The following ACP7 variants were observed in gnomAD, a reference collection of about 807,000 sequenced individuals.
ACP7 encodes acid phosphatase 7, tartrate resistant (putative).
Under a neutral mutation model 60.6 loss-of-function variants are expected in ACP7, and 58 were observed. The ratio of observed to expected loss-of-function variants is 0.96; its 90% confidence interval spans 0.77 to 1.19. The LOEUF (loss-of-function observed/expected upper bound fraction) is 1.19. Among genes scored for constraint, ACP7 ranks in the 50% most tolerant of loss-of-function variants. ACP7 has a pLI of 0.00. For missense variants in ACP7, 574 were observed against 596.2 expected (o/e 0.96, Z 0.39); for synonymous variants, 237 against 232.6 (o/e 1.02, Z -0.17).
chr19:39,088,625 T>C lies in ACP7; in HGVS notation c.121+3235T>C, dbSNP rs73930278. ...TGTAGGTACCATTGCTACTCCCATTTGACAAGAGAGACTCACAGCAGGGGA... is the reference window on the plus strand; with the variant it reads ...TGTAGGTACCATTGCTACTCCCATTCGACAAGAGAGACTCACAGCAGGGGA... On this transcript the variant is annotated intron_variant, in intron 2 of 12. Coordinates refer to ENST00000331256, the MANE Select transcript of ACP7 (RefSeq NM_001004318.3). 4.1e-3 allele frequency among the ~76,000 whole-genome samples: 622 copies of C among 152,338 alleles called. 2 individuals are homozygous for C. The highest frequency in any genetic ancestry group is 0.014 in the African/African-American group (587 of 41,574).
chr19:39,109,709 A>G (rs1437685251), intron 12 of ACP7, among the ~76,000 whole-genome samples: 1 of 142,950 alleles, frequency 7.0e-6, no homozygotes, highest in East Asian at 2.2e-4. Context: ...AAAAAAAAAA[A>G]GGAGAGAGAG....
intron 2 of ACP7, among the ~76,000 whole-genome samples, chr19:39,091,383 G>A (rs1236041185): frequency 6.6e-6 from 1 of 151,546 alleles, no homozygotes; most frequent in African/African-American, 2.4e-5. Flanking sequence ...GGCTGGTCTC[G>A]AACTCCTGAC....
intron 4 of ACP7, among the ~76,000 whole-genome samples, 188 bp from the exon 5 acceptor site, chr19:39,100,039 T>G (rs1008749545): frequency 1.4e-5 from 2 of 147,734 alleles, no homozygotes; most frequent in Admixed American, 6.8e-5. Flanking sequence ...CCCGGCACAG[T>G]GGCTCACACC....
In ACP7 at chr19:39,100,252, G is replaced by A. The variant is rs1451906503; in HGVS notation, c.531G>A (p.Gln177=). ...HVGDFAYNLD[Q]DNARVGDRFM... is the part of the protein sequence containing the mutation. ...GAGACTTTGCCTACAACCTGGATCA[G>A]GACAACGCCCGTGTTGGGGATAGGT... The change falls in exon 5 of 13, where the codon CAG becomes CAA. Residue 177 remains glutamine (Q), a synonymous_variant. Coordinates refer to ENST00000331256, the MANE Select transcript of ACP7 (RefSeq NM_001004318.3). The A allele has an allele frequency of 3.1e-6, 5 of 1,613,960 alleles. No individual in the cohort carries two copies. The highest frequency in any genetic ancestry group is 4.2e-6 in the Non-Finnish European group (5 of 1,180,020).
At chr19:39,100,512 C>T (rs369135172) in intron 5 of ACP7, 68 bp from the exon 6 acceptor site, 20 of 1,600,440 alleles carry the variant, frequency 1.2e-5, no homozygotes, top group African/African-American at 6.7e-5. Context: ...CTGACAGTGG[C>T]GGGGTATAGG....
In ACP7 at chr19:39,098,643, C is replaced by T. The variant is rs1329833442; in HGVS notation, c.307C>T (p.Pro103Ser). ...IHRVTLRKLL[P>S]GVQYVYRCGS... ...CCGAGTCACGCTTCGCAAGCTGCTG[C>T]CAGGGGTTCAGTATGGTGAGAGGGG... is the stretch of plus-strand genomic sequence containing the variant. Residue 103 changes from proline to serine, a missense_variant, in exon 3 of 13, where the codon CCA becomes TCA. Pro to Ser is a moderately conservative substitution (Grantham distance 74). Coordinates refer to ENST00000331256, the MANE Select transcript of ACP7 (RefSeq NM_001004318.3). The T allele has an allele frequency of 6.2e-7, 1 of 1,611,670 alleles. No homozygotes were observed. Among genetic ancestry groups the T allele is most frequent in the Non-Finnish European group, 8.5e-7 (1 of 1,178,844 alleles).
chr19:39,108,278 C>A (rs559309067), intron 12 of ACP7, among the ~76,000 whole-genome samples: 2 of 150,550 alleles, frequency 1.3e-5, no homozygotes, highest in South Asian at 4.2e-4. Flanking sequence ...TAGCTGGGAT[C>A]ACAGGCGCCC....
In ACP7 at chr19:39,106,960, G is replaced by A. The variant is rs554501444; in HGVS notation, c.1127G>A (p.Arg376Gln). 39 of 1,613,868 alleles carry A rather than the reference G, an allele frequency of 2.4e-5. No homozygotes were observed. In the East Asian group the frequency reaches 4.5e-4, roughly 18 times the overall value. The stretch of plus-strand genomic sequence containing the variant: ...TCCCCGCCCCAGGGCTGTGAGGAGC[G>A]GCTGACGCCCTTTGCTGTCTTCCCG... Reference protein sequence around the residue: ...IITGSAGCEERLTPFAVFPRP... With the variant: ...IITGSAGCEEQLTPFAVFPRP... Residue 376 changes from arginine (R) to glutamine (Q), a missense_variant, in exon 12 of 13, where the codon CGG becomes CAG. Transcript: ENST00000331256.
At position 39,090,260 on chromosome 19, in the gene ACP7, C is replaced by T. The variant is rs376639624; in HGVS notation, c.121+4870C>T. 1.1e-3 allele frequency among the ~76,000 whole-genome samples: 168 copies of T among 152,024 alleles called. 1 individual carries two copies. The highest frequency in any genetic ancestry group is 3.8e-3 in the African/African-American group (156 of 41,472). ...CTCGGCTCACTGGAACCTCCACCTC[C>T]CAGGTTCAAGCAATTCTTCTGCCTC... On this transcript the variant is annotated intron_variant, in intron 2 of 12. Coordinates refer to ENST00000331256, the MANE Select transcript of ACP7 (RefSeq NM_001004318.3).
chr19:39,095,252 A>T (rs1334042869), intron 2 of ACP7, among the ~76,000 whole-genome samples: 1 of 152,164 alleles, frequency 6.6e-6, no homozygotes, highest in Non-Finnish European at 1.5e-5. Context: ...CCTTCCACCT[A>T]TGAGCCTGTA....
In ACP7 at chr19:39,100,530, C is replaced by G. The variant is rs369612335; in HGVS notation, c.630-50C>G. On this transcript the variant is annotated intron_variant, in intron 5 of 12. Transcript: ENST00000331256. ...ACAGTGGCGGGGTATAGGAGTAGGGCTATGAAATTCAGTCCTTCACCTCCA... is the reference window on the plus strand; with the variant it reads ...ACAGTGGCGGGGTATAGGAGTAGGGGTATGAAATTCAGTCCTTCACCTCCA... 31 of 1,606,746 alleles carry G rather than the reference C, an allele frequency of 1.9e-5. No homozygotes were observed. In the African/African-American group the frequency reaches 3.7e-4, roughly 19 times the overall value.
In ACP7 at chr19:39,110,151, T is replaced by G; in HGVS notation, c.*33T>G. Reference sequence around the variant, plus strand: ...GGCAGCTCTCCTCCAGAAGCCTAGGTTTTGCCGCCTTGGCTGCTGTGACCA... The same window carrying G: ...GGCAGCTCTCCTCCAGAAGCCTAGGGTTTGCCGCCTTGGCTGCTGTGACCA... On this transcript the variant is annotated 3_prime_UTR_variant, in exon 13 of 13. Coordinates refer to ENST00000331256, the MANE Select transcript of ACP7 (RefSeq NM_001004318.3). 6.3e-7 allele frequency: 1 copy of G among 1,593,706 alleles called. No homozygotes were observed. Among genetic ancestry groups the G allele is most frequent in the Non-Finnish European group, 8.6e-7 (1 of 1,162,348 alleles).
intron 2 of ACP7, among the ~76,000 whole-genome samples, chr19:39,091,458 G>C (rs1370250438): frequency 6.6e-6 from 1 of 152,066 alleles, no homozygotes; most frequent in Non-Finnish European, 1.5e-5. Context: ...ACTGTGCCCA[G>C]CCCTCCAGTT....
intron 2 of ACP7, among the ~76,000 whole-genome samples, chr19:39,092,362 G>A (rs964156379): frequency 5.4e-5 from 6 of 110,094 alleles, no homozygotes; most frequent in African/African-American, 2.6e-4. Context: ...CAACAAGTGC[G>A]AAACTCTGTA....
At chr19:39,090,060 C>T (rs2144968904) in intron 2 of ACP7, among the ~76,000 whole-genome samples, 1 of 152,328 alleles carries the variant, frequency 6.6e-6, no homozygotes, top group East Asian at 1.9e-4. Flanking sequence ...AAAGATCCTG[C>T]TGATAAGTGG....
chr19:39,098,644 C>T lies in ACP7; in HGVS notation c.308C>T (p.Pro103Leu), dbSNP rs2073299899. The change falls in exon 3 of 13, where the codon CCA becomes CTA. Residue 103 changes from proline to leucine, a missense_variant. Physicochemically the swap from Pro to Leu is moderately conservative, Grantham distance 98. Transcript: ENST00000331256. The stretch of plus-strand genomic sequence containing the variant: ...CGAGTCACGCTTCGCAAGCTGCTGC[C>T]AGGGGTTCAGTATGGTGAGAGGGGC... ...IHRVTLRKLL[P>L]GVQYVYRCGS... 1 of 1,611,666 alleles carries T rather than the reference C, an allele frequency of 6.2e-7. No homozygotes were observed. Among genetic ancestry groups the T allele is most frequent in the Non-Finnish European group, 8.5e-7 (1 of 1,178,848 alleles).
upstream of ACP7, among the ~76,000 whole-genome samples, chr19:39,084,147 C>A (rs925945573): frequency 2.0e-5 from 3 of 152,136 alleles, no homozygotes; most frequent in Admixed American, 2.0e-4. Flanking sequence ...GTATCATAAC[C>A]TTCCTGGGTC....
At chr19:39,087,376 TTAGTC>T (rs1253316790) in intron 2 of ACP7, among the ~76,000 whole-genome samples, 1 of 152,204 alleles carries the variant, frequency 6.6e-6, no homozygotes, top group Non-Finnish European at 1.5e-5. Flanking sequence ...TGTTTTCATT[TTAGTC>T]TGTTGTGATT....
chr19:39,105,888 T>C (rs768489642), intron 11 of ACP7, among the ~76,000 whole-genome samples: 3 of 152,184 alleles, frequency 2.0e-5, no homozygotes, highest in Admixed American at 6.5e-5. Flanking sequence ...TCATTACTGA[T>C]GATGCTTACT....
Sources: gnomAD v4.1 joint callset for allele counts (sites outside exome capture counted in the v4.1 genomes callset) on GRCh38, gnomAD v4.1.1 for gene constraint, MANE v1.5 for transcripts, NCBI Gene and HGNC (gene_info 2026-07-23, HGNC 2026-07-21) for gene names.